The following PTPRJ variants were observed in gnomAD, a reference collection of about 807,000 sequenced individuals.
The protein encoded by PTPRJ is receptor-type tyrosine-protein phosphatase eta.
In PTPRJ, 129 loss-of-function variants were observed where a neutral mutation model predicts 141.3. That is an observed-to-expected ratio of 0.91 (90% CI 0.79 to 1.06). The LOEUF is 1.06. PTPRJ is among the 50% of genes least tolerant of loss of function. The pLI, the probability that PTPRJ is intolerant of heterozygous loss-of-function variation, is 0.00. For synonymous variants in PTPRJ, 610 were observed against 640.5 expected (o/e 0.95, Z 0.72); for missense variants, 1,601 against 1,679.7 (o/e 0.95, Z 0.82).
chr11:47,988,346 G>GT (rs140618496), intron 1 of PTPRJ, among the ~76,000 whole-genome samples: 7,966 of 148,896 alleles, frequency 0.054, 665 homozygotes, highest in African/African-American at 0.18. Flanking sequence ...TAATTTTATT[G>GT]TTTTTTTTTT....
intron 6 of PTPRJ, among the ~76,000 whole-genome samples, chr11:48,127,205 G>A (rs1856858366): frequency 6.6e-6 from 1 of 152,232 alleles, no homozygotes; most frequent in Admixed American, 6.5e-5. Context: ...GGTGAGGGAA[G>A]GGCAGTGGAT....
chr11:48,035,596 A>G (rs1254297251), intron 1 of PTPRJ, among the ~76,000 whole-genome samples: 4 of 114,808 alleles, frequency 3.5e-5, no homozygotes, highest in African/African-American at 3.6e-5. Context: ...TTGTGTCTCA[A>G]TTGAGTCTTT....
chr11:48,078,249 G>GT (rs1420089954), intron 1 of PTPRJ, among the ~76,000 whole-genome samples: 1 of 151,978 alleles, frequency 6.6e-6, no homozygotes, highest in Non-Finnish European at 1.5e-5. Context: ...GTAGAGACAG[G>GT]TTTTCACCAT....
At chr11:48,123,504 T>A (rs1856756935) in intron 4 of PTPRJ, 109 bp from the exon 5 acceptor site, 1 of 1,168,782 alleles carries the variant, frequency 8.6e-7, no homozygotes, top group South Asian at 1.6e-5. Flanking sequence ...TCAGTCATTC[T>A]TTCTTTTTTT....
intron 19 of PTPRJ, among the ~76,000 whole-genome samples, chr11:48,154,905 G>A (rs1047337653): frequency 6.6e-6 from 1 of 152,050 alleles, no homozygotes; most frequent in Non-Finnish European, 1.5e-5. Flanking sequence ...CTGGGAAGTG[G>A]GTGTTTGGGT....
At chr11:48,118,333 A>C (rs1288385703) in intron 3 of PTPRJ, among the ~76,000 whole-genome samples, 3 of 152,138 alleles carry the variant, frequency 2.0e-5, no homozygotes, top group Non-Finnish European at 2.9e-5. Flanking sequence ...GACCCCCACC[A>C]CCTTGGCCTC....
At position 48,156,575 on chromosome 11, in the gene PTPRJ, G is replaced by GTTTTTTT. The variant is rs1565332039; in HGVS notation, c.3438+456_3438+457insTTTTTTT. Among the ~76,000 whole-genome samples the GTTTTTTT allele has an allele frequency of 1.6e-5, 2 of 123,544 alleles. 1 individual carries two copies. The highest frequency in any genetic ancestry group is 6.1e-5 in the African/African-American group (2 of 33,034). The allele number at this position is 123,544 out of a possible 152,430, so 81.0% of individuals were successfully genotyped here. ...TGAACCCCTCCTGCCTCCACCCCAG[G>GTTTTTTT]GTTTTTTTTTTTTTTTTTTTTTTTT... On this transcript the variant is annotated intron_variant, in intron 21 of 24. Transcript: ENST00000418331.
intron 1 of PTPRJ, among the ~76,000 whole-genome samples, chr11:48,014,094 G>C (rs930800261): frequency 1.4e-4 from 21 of 152,160 alleles, no homozygotes; most frequent in Non-Finnish European, 2.1e-4. Context: ...GGGTATTGGC[G>C]TGAAGAGTGT....
intron 21 of PTPRJ, 112 bp from the exon 22 acceptor site, chr11:48,159,818 G>A: frequency 2.2e-6 from 3 of 1,374,642 alleles, no homozygotes; most frequent in Non-Finnish European, 3.0e-6. Flanking sequence ...CAACTAGAAG[G>A]TCTGATTCCA....
chr11:47,989,327 C>T (rs1197153273), intron 1 of PTPRJ, among the ~76,000 whole-genome samples: 6 of 149,884 alleles, frequency 4.0e-5, no homozygotes, highest in African/African-American at 1.5e-4. Flanking sequence ...AGTGCAATGG[C>T]GTGATCTTGG....
chr11:48,088,013 C>T (rs1427881376), intron 1 of PTPRJ, among the ~76,000 whole-genome samples: 3 of 152,192 alleles, frequency 2.0e-5, no homozygotes, highest in Non-Finnish European at 2.9e-5. Context: ...TTGGTGATCT[C>T]TCTCTTTAGC....
chr11:48,078,588 G>GC (rs1460708888), intron 1 of PTPRJ, among the ~76,000 whole-genome samples: 8 of 152,264 alleles, frequency 5.3e-5, no homozygotes, highest in South Asian at 2.1e-4. Flanking sequence ...CATCAGGAAG[G>GC]CTGGGTAGGA....
intron 1 of PTPRJ, among the ~76,000 whole-genome samples, chr11:47,986,980 C>T (rs975556434): frequency 3.3e-5 from 5 of 152,016 alleles, no homozygotes; most frequent in African/African-American, 1.2e-4. Flanking sequence ...CTTTGGAAGG[C>T]AGAGGTGGGA....
chr11:48,117,890 T>G (rs1856609480), intron 3 of PTPRJ, among the ~76,000 whole-genome samples: 2 of 152,212 alleles, frequency 1.3e-5, no homozygotes, highest in South Asian at 4.2e-4. Flanking sequence ...CATTATAAAC[T>G]GATACCACAG....
At chr11:48,030,345 G>A (rs895280659) in intron 1 of PTPRJ, among the ~76,000 whole-genome samples, 1 of 152,150 alleles carries the variant, frequency 6.6e-6, no homozygotes, top group Non-Finnish European at 1.5e-5. Flanking sequence ...GTAGTTTAGG[G>A]CTCTTAGAGG....
At chr11:47,997,300 C>G (rs1854363622) in intron 1 of PTPRJ, among the ~76,000 whole-genome samples, 1 of 152,242 alleles carries the variant, frequency 6.6e-6, no homozygotes, top group South Asian at 2.1e-4. Context: ...TGTGGATGGC[C>G]TATGCCCTGG....
chr11:48,108,397 A>C (rs4752896), intron 1 of PTPRJ, among the ~76,000 whole-genome samples: 8,367 of 152,272 alleles, frequency 0.055, 311 homozygotes, highest in Non-Finnish European at 0.087. Flanking sequence ...ACATGGCCAG[A>C]AGCAGTGGCA....
chr11:47,984,956 G>A (rs1419475460), intron 1 of PTPRJ, among the ~76,000 whole-genome samples: 3 of 151,704 alleles, frequency 2.0e-5, no homozygotes, highest in African/African-American at 7.3e-5. Flanking sequence ...GGGTTCCAGG[G>A]ATTCTCCTGC....
intron 21 of PTPRJ, among the ~76,000 whole-genome samples, chr11:48,159,584 G>A (rs770229952): frequency 1.3e-5 from 2 of 152,082 alleles, no homozygotes; most frequent in Non-Finnish European, 2.9e-5. Flanking sequence ...GGCAAGAATT[G>A]TAAATTAAAA....
Sources: gnomAD v4.1 joint callset for allele counts (sites outside exome capture counted in the v4.1 genomes callset) on GRCh38, gnomAD v4.1.1 for gene constraint, MANE v1.5 for transcripts, NCBI Gene and HGNC (gene_info 2026-07-23, HGNC 2026-07-21) for gene names.